Variants in RGS21 observed in about 807,000 individuals in gnomAD.
RGS21 encodes regulator of G protein signaling 21.
Under a neutral mutation model 18.7 loss-of-function variants are expected in RGS21, and 19 were observed. The observed-to-expected ratio is 1.01, with a 90% CI of 0.71 to 1.49. RGS21 has a LOEUF of 1.49. Ranked by LOEUF, RGS21 falls within the 40% of genes most tolerant of loss-of-function variation. The probability of loss-of-function intolerance (pLI) is 0.00; values close to 1 mark genes in which losing one functional copy is unlikely to be tolerated. For synonymous variants in RGS21, 56 were observed against 57.8 expected (o/e 0.97, Z 0.14); for missense variants, 194 against 176.8 (o/e 1.10, Z -0.55).
At chr1:192,349,354 C>CAAT (rs1341951303) in intron 3 of RGS21, among the ~76,000 whole-genome samples, 1 of 152,110 alleles carries the variant, frequency 6.6e-6, no homozygotes, top group Admixed American at 6.6e-5. Context: ...AGAGAAATGG[C>CAAT]AATAGTATGA....
chr1:192,340,572 A>T (rs1382205129), intron 1 of RGS21, among the ~76,000 whole-genome samples: 4 of 152,110 alleles, frequency 2.6e-5, no homozygotes, highest in Non-Finnish European at 5.9e-5. Flanking sequence ...CTGTTGTAAA[A>T]AACTGCCACC....
At chr1:192,335,922 G>A (rs145464757) in intron 1 of RGS21, among the ~76,000 whole-genome samples, 8 of 152,168 alleles carry the variant, frequency 5.3e-5, no homozygotes, top group African/African-American at 1.9e-4. Context: ...ATACTACCAG[G>A]CTAGCATTTT....
In RGS21 at chr1:192,347,234, T is replaced by A. The variant is rs78206978; in HGVS notation, c.12-79T>A. ...AACAGCATGAAGTTCATTTGAATGA[T>A]GTAACTCAAAATACATGTAACTCGA... On this transcript the variant is annotated intron_variant, in intron 2 of 4. Transcript: ENST00000417209. 2,187 of 851,706 alleles carry A rather than the reference T, an allele frequency of 2.6e-3. 4 individuals are homozygous for A. The highest frequency in any genetic ancestry group is 3.4e-3 in the Non-Finnish European group (1,740 of 505,582). 52.8% of individuals were successfully genotyped at this position (851,706 alleles called of 1,614,324 possible). A position where few individuals can be genotyped will look rare whatever the true frequency, so the allele number is the denominator to read the frequency against.
chr1:192,332,995 T>C (rs933996945), intron 1 of RGS21, among the ~76,000 whole-genome samples: 16 of 150,378 alleles, frequency 1.1e-4, no homozygotes, highest in Admixed American at 6.0e-4. Context: ...AACTAACAAT[T>C]AGAAAAAAGG....
intron 1 of RGS21, among the ~76,000 whole-genome samples, chr1:192,319,583 C>G (rs1362500563): frequency 6.6e-6 from 1 of 151,988 alleles, no homozygotes; most frequent in African/African-American, 2.4e-5. Flanking sequence ...AAATGAGACA[C>G]TGGTTAATTA....
intron 1 of RGS21, among the ~76,000 whole-genome samples, chr1:192,333,403 G>T (rs568848252): frequency 3.3e-5 from 5 of 151,936 alleles, no homozygotes; most frequent in Admixed American, 1.3e-4. Context: ...AGCTCTATGT[G>T]TCATAGATCA....
intron 4 of RGS21, among the ~76,000 whole-genome samples, chr1:192,360,304 A>G (rs1659170324): frequency 6.6e-6 from 1 of 151,972 alleles, no homozygotes; most frequent in East Asian, 1.9e-4. Context: ...TCTCTTTCTC[A>G]TATACCCTAT....
chr1:192,337,286 T>C (rs1658783878), intron 1 of RGS21, among the ~76,000 whole-genome samples: 1 of 152,080 alleles, frequency 6.6e-6, no homozygotes, highest in African/African-American at 2.4e-5. Context: ...AACATTCCAC[T>C]ACCCAGACTG....
intron 3 of RGS21, among the ~76,000 whole-genome samples, chr1:192,347,630 A>ATT (rs1658972092): frequency 6.6e-6 from 1 of 152,070 alleles, no homozygotes; most frequent in African/African-American, 2.4e-5. Context: ...GAAATTTTCC[A>ATT]TTGCCTTAGA....
At chr1:192,347,614 G>C (rs184859428) in intron 3 of RGS21, among the ~76,000 whole-genome samples, 137 of 152,044 alleles carry the variant, frequency 9.0e-4, no homozygotes, top group African/African-American at 3.1e-3. Flanking sequence ...ATTCAATCTA[G>C]CAAGTGAAAT....
At chr1:192,364,393 C>T (rs1482942416) in intron 4 of RGS21, among the ~76,000 whole-genome samples, 2 of 152,034 alleles carry the variant, frequency 1.3e-5, no homozygotes, top group Non-Finnish European at 2.9e-5. Flanking sequence ...TTTCAAATTA[C>T]TTTTTTTATT....
chr1:192,359,502 A>C (rs1453331327), intron 4 of RGS21, among the ~76,000 whole-genome samples: 1 of 151,964 alleles, frequency 6.6e-6, no homozygotes, highest in Non-Finnish European at 1.5e-5. Flanking sequence ...AACTGTATCC[A>C]AGTATCTTCT....
At chr1:192,341,141 C>T (rs919505146) in intron 1 of RGS21, among the ~76,000 whole-genome samples, 4 of 152,014 alleles carry the variant, frequency 2.6e-5, no homozygotes, top group Admixed American at 1.3e-4. Context: ...CCCTTTCTCA[C>T]ATCACTCCAA....
chr1:192,325,663 G>A (rs1658558981), intron 1 of RGS21, among the ~76,000 whole-genome samples: 1 of 152,030 alleles, frequency 6.6e-6, no homozygotes, highest in Non-Finnish European at 1.5e-5. Context: ...GTGTGAGATG[G>A]CATCTCATAG....
chr1:192,359,164 ATAT>A (rs939359713), intron 4 of RGS21, among the ~76,000 whole-genome samples: 5 of 152,232 alleles, frequency 3.3e-5, no homozygotes, highest in Admixed American at 1.3e-4. Flanking sequence ...AGCAAATAAA[ATAT>A]TATGTTTCAC....
At chr1:192,329,231 A>T (rs568672863) in intron 1 of RGS21, among the ~76,000 whole-genome samples, 71 of 152,224 alleles carry the variant, frequency 4.7e-4, no homozygotes, top group African/African-American at 1.3e-3. Context: ...TATCTAACAT[A>T]TACAGAACTG....
chr1:192,340,544 T>A (rs555204201), intron 1 of RGS21, among the ~76,000 whole-genome samples: 148 of 152,246 alleles, frequency 9.7e-4, no homozygotes, highest in Non-Finnish European at 1.9e-3. Context: ...GTTCCCTAGA[T>A]GTATTCATTT....
At chr1:192,331,751 A>G (rs1309727358) in intron 1 of RGS21, among the ~76,000 whole-genome samples, 1 of 151,906 alleles carries the variant, frequency 6.6e-6, no homozygotes, top group Admixed American at 6.6e-5. Context: ...ATAATAAAAC[A>G]TTTTGAAACA....
intron 1 of RGS21, among the ~76,000 whole-genome samples, chr1:192,327,071 T>G (rs1292643966): frequency 6.6e-6 from 1 of 152,032 alleles, no homozygotes; most frequent in Non-Finnish European, 1.5e-5. Flanking sequence ...AAAATAATAA[T>G]AGAATGTGTA....
Sources: gnomAD v4.1 joint callset for allele counts (sites outside exome capture counted in the v4.1 genomes callset) on GRCh38, gnomAD v4.1.1 for gene constraint, MANE v1.5 for transcripts, NCBI Gene and HGNC (gene_info 2026-07-23, HGNC 2026-07-21) for gene names.